The following EIF2AK3 variants were observed in gnomAD, a reference collection of about 807,000 sequenced individuals.
EIF2AK3 encodes the protein eukaryotic translation initiation factor 2-alpha kinase 3.
In EIF2AK3, 50 loss-of-function variants were observed where a neutral mutation model predicts 113.5. The ratio of observed to expected loss-of-function variants is 0.44; its 90% CI spans 0.35 to 0.56. EIF2AK3 has a LOEUF of 0.56. Among genes scored for constraint, EIF2AK3 ranks in the 20% least tolerant of loss-of-function variants. The pLI is 0.00. For missense variants in EIF2AK3, 1,185 were observed against 1,378.0 expected, an observed-to-expected ratio of 0.86 and a Z score of 2.22; for synonymous variants, 448 against 495.4, an observed-to-expected ratio of 0.90 and a Z score of 1.27.
chr2:88,577,174 G>A (rs2104415377), intron 11 of EIF2AK3, among the ~76,000 whole-genome samples: 1 of 152,040 alleles, frequency 6.6e-6, no homozygotes, highest in Admixed American at 6.6e-5. Context: ...GTAGAGACAG[G>A]GTTTCACCAT....
intron 10 of EIF2AK3, among the ~76,000 whole-genome samples, chr2:88,582,336 C>T (rs1239445053): frequency 6.6e-6 from 1 of 152,096 alleles, no homozygotes; most frequent in Non-Finnish European, 1.5e-5. Flanking sequence ...TATAATCATG[C>T]CTTGTGATTA....
chr2:88,605,319 A>G (rs149695568), intron 2 of EIF2AK3, among the ~76,000 whole-genome samples: 3 of 152,340 alleles, frequency 2.0e-5, no homozygotes, highest in Non-Finnish European at 4.4e-5. Context: ...TGAATACAAA[A>G]TTTCAAAAAT....
intron 1 of EIF2AK3, among the ~76,000 whole-genome samples, chr2:88,615,214 C>T (rs189157742): frequency 7.7e-4 from 117 of 152,334 alleles, no homozygotes; most frequent in Non-Finnish European, 4.9e-4. Flanking sequence ...TCCCATCTAC[C>T]GCCAACACCT....
At chr2:88,582,314 G>A (rs374550303) in intron 10 of EIF2AK3, among the ~76,000 whole-genome samples, 4 of 152,208 alleles carry the variant, frequency 2.6e-5, no homozygotes, top group African/African-American at 9.6e-5. Context: ...AGATCCCTTA[G>A]GGATCTCTTT....
chr2:88,593,509 AG>A, intron 3 of EIF2AK3, 104 bp from the exon 4 acceptor site: 10 of 1,378,638 alleles, frequency 7.3e-6, no homozygotes, highest in Non-Finnish European at 1.0e-5. Context: ...AAGGAAACTA[AG>A]GAAATGTGTA....
At chr2:88,619,561 T>A (rs1486598260) in intron 1 of EIF2AK3, among the ~76,000 whole-genome samples, 2 of 152,176 alleles carry the variant, frequency 1.3e-5, no homozygotes, top group Non-Finnish European at 2.9e-5. Flanking sequence ...TCCATCCTAT[T>A]ACCTAACATT....
chr2:88,594,550 T>A (rs1477305403), intron 3 of EIF2AK3, among the ~76,000 whole-genome samples: 1 of 152,152 alleles, frequency 6.6e-6, no homozygotes, highest in Non-Finnish European at 1.5e-5. Flanking sequence ...AGACCCAATC[T>A]TAGAAGCAGA....
intron 14 of EIF2AK3, among the ~76,000 whole-genome samples, chr2:88,568,271 A>G (rs958128998): frequency 2.0e-5 from 3 of 152,122 alleles, no homozygotes; most frequent in African/African-American, 7.2e-5. Context: ...GGACCCTAAC[A>G]CCCTTTCAAA....
At chr2:88,566,856 G>A (rs1208314397) in intron 14 of EIF2AK3, among the ~76,000 whole-genome samples, 1 of 152,144 alleles carries the variant, frequency 6.6e-6, no homozygotes, top group African/African-American at 2.4e-5. Flanking sequence ...GCTGAGGTGG[G>A]AGGATCACTT....
intron 3 of EIF2AK3, 23 bp from the exon 4 acceptor site, chr2:88,593,428 A>C (rs1558656109): frequency 6.2e-7 from 1 of 1,613,414 alleles, no homozygotes. Flanking sequence ...AATTAGATAC[A>C]AAATTAGTAA....
At chr2:88,625,985 G>T (rs563030803) in intron 1 of EIF2AK3, among the ~76,000 whole-genome samples, 1 of 152,132 alleles carries the variant, frequency 6.6e-6, no homozygotes, top group South Asian at 2.1e-4. Flanking sequence ...ATCTAGTAAT[G>T]ACTATAAGTC....
intron 1 of EIF2AK3, chr2:88,624,999 C>T (rs944603798): frequency 6.6e-6 from 1 of 152,158 alleles, no homozygotes; most frequent in Non-Finnish European, 1.5e-5. Flanking sequence ...AGAAACATTC[C>T]TTAGGTGTAA....
Position 88,586,037 on chromosome 2 carries a change from T to C in EIF2AK3, c.1454A>G (p.Tyr485Cys). 6.2e-7 allele frequency: 1 copy of C among 1,614,096 alleles called. No homozygotes were observed. Among genetic ancestry groups the C allele is most frequent in the African/African-American group, 1.3e-5 (1 of 75,044 alleles). Residue 485 changes from tyrosine to cysteine, a missense_variant, in exon 9 of 17, where the codon TAC (tyrosine) becomes TGC (cysteine). Physicochemically the swap from Tyr to Cys is radical, Grantham distance 194 (BLOSUM62 -2). Transcript: ENST00000303236. ...PYDNGYYLPY[Y>C]KRERNKRSTQ... ...GCTTCGTTTGTTCCTCTCCCTCTTG[T>C]AGTATGGTAGATAATAACCATTATC... is the stretch of plus-strand genomic sequence containing the variant.
intron 2 of EIF2AK3, among the ~76,000 whole-genome samples, chr2:88,606,328 A>T (rs4972060): frequency 1.3e-5 from 2 of 151,522 alleles, no homozygotes; most frequent in Admixed American, 1.3e-4. Flanking sequence ...AATAAAAAAA[A>T]CAGGGCCAAA....
At chr2:88,623,652 A>G (rs1675787933) in intron 1 of EIF2AK3, among the ~76,000 whole-genome samples, 2 of 152,230 alleles carry the variant, frequency 1.3e-5, no homozygotes, top group Admixed American at 1.3e-4. Flanking sequence ...AAACAGAATT[A>G]CCGGTCTATT....
rs772529696 is a variant in EIF2AK3 at position 88,581,269 on chromosome 2, CTGACT to C, written c.1764-1634_1764-1630del. On this transcript the variant is annotated intron_variant, in intron 10 of 16. Transcript: ENST00000303236. ...ATTCTTCATATTGAATAAAGTTAAA[CTGACT>C]TAAGTCTAATTCAATTTTGAGTATA... Among the ~76,000 whole-genome samples the C allele has an allele frequency of 2.7e-5, 4 of 149,396 alleles. No individual in the cohort carries two copies. The South Asian group carries it at 8.5e-4, about 32-fold the overall frequency.
At chr2:88,576,204 GTA>G (rs1373978858) in intron 12 of EIF2AK3, among the ~76,000 whole-genome samples, 1 of 152,098 alleles carries the variant, frequency 6.6e-6, no homozygotes, top group East Asian at 1.9e-4. Context: ...CAATCACAAT[GTA>G]TAGAGTCCTA....
chr2:88,593,917 T>C, intron 3 of EIF2AK3: 1 of 994,896 alleles, frequency 1.0e-6, no homozygotes, highest in Non-Finnish European at 1.2e-6. Flanking sequence ...GCATACCTTC[T>C]ACAATACCAG....
chr2:88,574,783 C>T lies in EIF2AK3; in HGVS notation c.2700G>A (p.Met900Ile), dbSNP rs1380949636. The change falls in exon 13 of 17, where the codon ATG becomes ATA. Residue 900 changes from methionine (M) to isoleucine (I), a missense_variant. Transcript: ENST00000303236. ...LCRKENLKDW[M>I]NGRCTIEERE... ...TCTCCTCTATGGTACATCGTCCATT[C>T]ATCCAGTCTTTGAGGTTTTCTTTTC... 1 of 1,614,204 alleles carries T rather than the reference C, an allele frequency of 6.2e-7. No homozygotes were observed. Among genetic ancestry groups the T allele is most frequent in the Non-Finnish European group, 8.5e-7 (1 of 1,180,042 alleles).
Sources: allele counts gnomAD v4.1 joint callset (sites outside exome capture counted in the v4.1 genomes callset), GRCh38; gene constraint gnomAD v4.1.1; transcripts MANE v1.5; gene names NCBI Gene and HGNC (gene_info 2026-07-23, HGNC 2026-07-21).